Variants in ANKRD31 observed in about 807,000 individuals in gnomAD.
The protein encoded by ANKRD31 is ankyrin repeat domain-containing protein 31.
A neutral mutation model predicts 186.0 loss-of-function variants in ANKRD31; 147 were observed. That is an observed-to-expected ratio of 0.79 (90% CI 0.69 to 0.91). The LOEUF (loss-of-function observed/expected upper bound fraction) is 0.91, where lower values mean the gene tolerates loss of function less well. Among genes scored for constraint, ANKRD31 ranks in the 40% least tolerant of loss-of-function variants. The pLI is 0.00. For missense variants in ANKRD31, 1,986 were observed against 2,148.8 expected, an observed-to-expected ratio of 0.92 and a Z score of 1.50; for synonymous variants, 673 against 736.4, an observed-to-expected ratio of 0.91 and a Z score of 1.39.
In ANKRD31 at chr5:75,236,808, A is replaced by C; in HGVS notation, c.-122T>G. 1 of 852,940 alleles carries C rather than the reference A, an allele frequency of 1.2e-6. No homozygotes were observed. The highest frequency in any genetic ancestry group is 1.8e-5 in the South Asian group (1 of 54,806). The allele number at this position is 852,940 out of a possible 1,614,324, so 52.8% of individuals were successfully genotyped here. ...AAAATAAAAATAATATAATCGCAGC[A>C]GGAGCCGGGACTTGTCGCAGGGCTG... is the stretch of plus-strand genomic sequence containing the variant. On this transcript the variant is annotated 5_prime_UTR_variant, in exon 1 of 26. Coordinates refer to ENST00000506364, the MANE Select transcript of ANKRD31 (RefSeq NM_001372053.1).
intron 17 of ANKRD31, among the ~76,000 whole-genome samples, chr5:75,136,732 C>T (rs562319599): frequency 6.6e-6 from 1 of 152,172 alleles, no homozygotes; most frequent in East Asian, 1.9e-4. Flanking sequence ...TATTGTGGCA[C>T]TATTCACAAT....
chr5:75,186,340 T>C (rs1375936450), intron 10 of ANKRD31, among the ~76,000 whole-genome samples: 1 of 152,240 alleles, frequency 6.6e-6, no homozygotes, highest in African/African-American at 2.4e-5. Flanking sequence ...AAATTTGTTA[T>C]ATGCTGTAAT....
intron 10 of ANKRD31, among the ~76,000 whole-genome samples, chr5:75,180,228 G>A (rs551486998): frequency 2.0e-5 from 3 of 152,180 alleles, no homozygotes; most frequent in East Asian, 1.9e-4. Context: ...TCAATGAAAT[G>A]AAAGAGGATA....
At chr5:75,213,803 CA>C in intron 3 of ANKRD31, among the ~76,000 whole-genome samples, 1 of 151,976 alleles carries the variant, frequency 6.6e-6, no homozygotes, top group South Asian at 2.1e-4. Flanking sequence ...TATCCTCAAC[CA>C]AAAAAGCAAT....
At chr5:75,117,620 GAGTCAAGGTTTGAGCATGAGGGAAA>G (rs59739119) in intron 18 of ANKRD31, among the ~76,000 whole-genome samples, 76,590 of 151,878 alleles carry the variant, frequency 0.5, 22,249 homozygotes, top group African/African-American at 0.81. Context: ...CTTCTTCTAT[GAGTCAAGGTTTGAGCATGAGGGAAA>G]AGGAAGAACA....
chr5:75,108,861 A>G lies in ANKRD31; in HGVS notation c.4244-1244T>C, dbSNP rs139669140. ...TATTAAAAGACATTTTAAATTATCT[A>G]TGTGCCCTGTCATCCCAGCTTTTCC... On this transcript the variant is annotated intron_variant, in intron 20 of 25. Transcript: ENST00000506364. Among the ~76,000 whole-genome samples, 93 of 152,308 alleles carry G rather than the reference A, an allele frequency of 6.1e-4. 1 individual carries two copies. The highest frequency in any genetic ancestry group is 2.1e-3 in the African/African-American group (86 of 41,574).
chr5:75,224,361 GA>G (rs1412968207), intron 2 of ANKRD31, among the ~76,000 whole-genome samples: 2 of 151,368 alleles, frequency 1.3e-5, no homozygotes, highest in Non-Finnish European at 2.9e-5. Flanking sequence ...TGTATAACAG[GA>G]TATCTTCCCT....
intron 20 of ANKRD31, among the ~76,000 whole-genome samples, chr5:75,108,110 A>G (rs1291661342): frequency 2.0e-5 from 3 of 151,946 alleles, no homozygotes; most frequent in Non-Finnish European, 4.4e-5. Flanking sequence ...TACTGTTAAT[A>G]CTTTAGGGGT....
At chr5:75,152,778 A>G (rs910373921) in intron 12 of ANKRD31, among the ~76,000 whole-genome samples, 6 of 152,032 alleles carry the variant, frequency 3.9e-5, no homozygotes, top group African/African-American at 1.2e-4. Context: ...TCAACTGTCT[A>G]ATGTGTTAGG....
rs1289686779 is a variant in ANKRD31 at position 75,091,401 on chromosome 5, C to T, written c.5332G>A (p.Glu1778Lys). The T allele has an allele frequency of 2.6e-6, 4 of 1,520,180 alleles. No homozygotes were observed. In the African/African-American group the frequency reaches 4.2e-5, roughly 16 times the overall value. The allele number at this position is 1,520,180 out of a possible 1,614,324, so 94.2% of individuals were successfully genotyped here. ...AAAATACTGGCTTTGTGGGTAGTCTCCTGAAGTGAAAAATAAAACAGAAAT... is the reference window on the plus strand; with the variant it reads ...AAAATACTGGCTTTGTGGGTAGTCTTCTGAAGTGAAAAATAAAACAGAAAT... Reference protein sequence around the residue: ...GNNILEFKTQETTHKASILLN... With the variant: ...GNNILEFKTQKTTHKASILLN... The change falls in exon 23 of 26, where the codon GAG becomes AAG. Residue 1778 changes from glutamate to lysine, a missense_variant and splice_region_variant. Coordinates refer to ENST00000506364, the MANE Select transcript of ANKRD31 (RefSeq NM_001372053.1).
At chr5:75,107,414 C>T in intron 21 of ANKRD31, 107 bp downstream of exon 21, 2 of 714,660 alleles carry the variant, frequency 2.8e-6, no homozygotes, top group Non-Finnish European at 4.5e-6. Flanking sequence ...ATTATTTGGC[C>T]CCAAGCAGTG....
At chr5:75,140,328 A>AGGAAGGAAGGAG (rs1750958867) in intron 15 of ANKRD31, among the ~76,000 whole-genome samples, 1 of 151,240 alleles carries the variant, frequency 6.6e-6, no homozygotes, top group Non-Finnish European at 1.5e-5. Context: ...GAAGGAAGGA[A>AGGAAGGAAGGAG]GGTAGGAAGG....
At chr5:75,129,815 G>A (rs1487301646) in intron 17 of ANKRD31, among the ~76,000 whole-genome samples, 2 of 152,226 alleles carry the variant, frequency 1.3e-5, no homozygotes, top group Admixed American at 6.5e-5. Context: ...CGGAGTGTGA[G>A]CCGAAGCAGG....
intron 10 of ANKRD31, among the ~76,000 whole-genome samples, chr5:75,187,608 G>C (rs1754825305): frequency 6.6e-6 from 1 of 152,170 alleles, no homozygotes; most frequent in South Asian, 2.1e-4. Flanking sequence ...GAAATCAAGA[G>C]AGTAAGTGCT....
chr5:75,105,287 G>T, intron 21 of ANKRD31, 69 bp from the exon 22 acceptor site: 1 of 1,358,626 alleles, frequency 7.4e-7, no homozygotes, highest in Non-Finnish European at 9.6e-7. Flanking sequence ...GTCACTTAGA[G>T]GTTAAAGATA....
intron 1 of ANKRD31, among the ~76,000 whole-genome samples, chr5:75,231,410 T>C (rs1347324832): frequency 6.6e-6 from 1 of 152,072 alleles, no homozygotes; most frequent in Non-Finnish European, 1.5e-5. Context: ...TACTTCTTAC[T>C]ATGTTCAAGG....
Position 75,068,632 on chromosome 5 carries a change from G to T in ANKRD31, c.5680C>A (p.Arg1894Ser), listed in dbSNP as rs1175694421. ...TSRESMQSSP[R>S]YLQINEILLI... is the part of the protein sequence containing the mutation. ...AGTATTTCATTTATTTGTAGATAACGTGGGCTGCTTTGCATTGACTCTCTG... is the reference window on the plus strand; with the variant it reads ...AGTATTTCATTTATTTGTAGATAACTTGGGCTGCTTTGCATTGACTCTCTG... Residue 1894 changes from arginine (R) to serine (S), a missense_variant, in exon 26 of 26, where the codon CGT becomes AGT. Physicochemically the swap from Arg to Ser is moderately radical, Grantham distance 110 (BLOSUM62 -1). Coordinates refer to ENST00000506364, the MANE Select transcript of ANKRD31 (RefSeq NM_001372053.1). The T allele has an allele frequency of 6.6e-7, 1 of 1,521,282 alleles. No homozygotes were observed. Among genetic ancestry groups the T allele is most frequent in the Non-Finnish European group, 8.8e-7 (1 of 1,140,242 alleles). The allele number at this position is 1,521,282 out of a possible 1,614,324, so 94.2% of individuals were successfully genotyped here.
intron 5 of ANKRD31, among the ~76,000 whole-genome samples, chr5:75,202,575 T>C (rs1392957747): frequency 6.6e-6 from 1 of 152,222 alleles, no homozygotes; most frequent in East Asian, 1.9e-4. Flanking sequence ...ATACACAAAA[T>C]TTAACTTATA....
chr5:75,182,242 C>T (rs1186474234), intron 10 of ANKRD31, among the ~76,000 whole-genome samples: 4 of 152,080 alleles, frequency 2.6e-5, no homozygotes, highest in Non-Finnish European at 5.9e-5. Flanking sequence ...AATTTGCTTA[C>T]CAATATGTAC....
Sources: gnomAD v4.1 joint callset for allele counts (sites outside exome capture counted in the v4.1 genomes callset) on GRCh38, gnomAD v4.1.1 for gene constraint, MANE v1.5 for transcripts, NCBI Gene and HGNC (gene_info 2026-07-23, HGNC 2026-07-21) for gene names.